Variants in RBM6 observed in about 807,000 individuals in gnomAD.
RBM6 encodes the protein RNA binding motif protein 6.
RBM6 carries 23 observed loss-of-function variants against 140.4 expected under a neutral mutation model. The ratio of observed to expected loss-of-function variants is 0.16; its 90% CI spans 0.12 to 0.23. The LOEUF (loss-of-function observed/expected upper bound fraction) is 0.23, where lower values mean the gene tolerates loss of function less well. RBM6 is among the 10% of genes least tolerant of loss of function. RBM6 has a pLI of 1.00. For missense variants in RBM6, 1,139 were observed against 1,386.7 expected, an observed-to-expected ratio of 0.82 and a Z score of 2.84; for synonymous variants, 439 against 475.6, an observed-to-expected ratio of 0.92 and a Z score of 1.00.
intron 19 of RBM6, 67 bp downstream of exon 19, chr3:50,070,619 C>T: frequency 2.7e-6 from 3 of 1,100,478 alleles, no homozygotes; most frequent in Non-Finnish European, 2.8e-6. Context: ...CCTCCTTCAA[C>T]TGTACTGCTG....
At chr3:50,009,108 G>A (rs535695508) in intron 6 of RBM6, among the ~76,000 whole-genome samples, 12 of 152,320 alleles carry the variant, frequency 7.9e-5, no homozygotes, top group African/African-American at 2.6e-4. Context: ...GTGGCAGGCA[G>A]TGCTGCTTTG....
At chr3:50,023,655 ATTTT>A (rs35083306) in intron 6 of RBM6, among the ~76,000 whole-genome samples, 3 of 115,100 alleles carry the variant, frequency 2.6e-5, no homozygotes, top group Admixed American at 1.0e-4. Context: ...ATGTTTGGTG[ATTTT>A]TTTTTTTTTT....
chr3:50,039,001 A>G (rs780248244), intron 6 of RBM6, among the ~76,000 whole-genome samples: 79 of 152,140 alleles, frequency 5.2e-4, no homozygotes, highest in Non-Finnish European at 6.5e-4. Context: ...AACTGATTCA[A>G]TTGTCAGAAA....
intron 7 of RBM6, among the ~76,000 whole-genome samples, chr3:50,048,665 T>C (rs975162734): frequency 2.6e-5 from 4 of 152,188 alleles, no homozygotes; most frequent in African/African-American, 9.6e-5. Context: ...AAAAGTAGGT[T>C]TGGAGAGACT....
chr3:50,054,864 C>T (rs926286444), intron 8 of RBM6, among the ~76,000 whole-genome samples: 1 of 152,070 alleles, frequency 6.6e-6, no homozygotes, highest in Admixed American at 6.6e-5. Flanking sequence ...CTCGTACTCA[C>T]CCAGGCTGGA....
intron 15 of RBM6, among the ~76,000 whole-genome samples, chr3:50,062,892 C>CTTTTTTT (rs36101209): frequency 1.6e-5 from 2 of 128,464 alleles, no homozygotes; most frequent in African/African-American, 5.6e-5. Flanking sequence ...TTTCTTTTTC[C>CTTTTTTT]TTTTTTTTTT....
intron 6 of RBM6, among the ~76,000 whole-genome samples, chr3:50,007,601 C>T (rs999003103): frequency 2.6e-5 from 4 of 151,642 alleles, no homozygotes; most frequent in South Asian, 4.2e-4. Flanking sequence ...GGCGTGATCT[C>T]GGCTCACTGC....
At chr3:49,971,083 A>G (rs917105027) in intron 3 of RBM6, among the ~76,000 whole-genome samples, 4 of 151,722 alleles carry the variant, frequency 2.6e-5, no homozygotes, top group African/African-American at 7.3e-5. Context: ...CCTGACCAAC[A>G]CGGAGAAACC....
intron 19 of RBM6, 110 bp from the exon 20 acceptor site, chr3:50,075,091 G>A: frequency 7.7e-7 from 1 of 1,291,766 alleles, no homozygotes; most frequent in South Asian, 1.5e-5. Flanking sequence ...AGGAGGCAGA[G>A]GTTGCAGTAA....
intron 1 of RBM6, 41 bp from the exon 2 acceptor site, chr3:49,962,535 C>A: frequency 1.0e-6 from 1 of 965,820 alleles, no homozygotes; most frequent in Non-Finnish European, 1.6e-6. Context: ...GCTTTTAGTT[C>A]ACATTCTAAA....
chr3:49,953,624 A>G (rs1407514880), intron 1 of RBM6, among the ~76,000 whole-genome samples: 1 of 149,734 alleles, frequency 6.7e-6, no homozygotes, highest in Admixed American at 6.7e-5. Context: ...GGTTCAAGTG[A>G]TCCTTCTGCC....
intron 4 of RBM6, among the ~76,000 whole-genome samples, chr3:49,973,584 CTTTTTTTTTTT>C (rs1226088993): frequency 2.3e-5 from 3 of 131,348 alleles, no homozygotes; most frequent in Admixed American, 7.7e-5. Flanking sequence ...TTCTGCTTTT[CTTTTTTTTTTT>C]TTTTTTTTGA....
intron 6 of RBM6, among the ~76,000 whole-genome samples, chr3:50,012,451 G>T (rs549586656): frequency 6.6e-6 from 1 of 151,654 alleles, no homozygotes; most frequent in African/African-American, 2.4e-5. Context: ...TCCACCTCCC[G>T]GGTTCACGCC....
At chr3:50,024,243 C>T (rs569726349) in intron 6 of RBM6, among the ~76,000 whole-genome samples, 2 of 152,194 alleles carry the variant, frequency 1.3e-5, no homozygotes, top group South Asian at 4.1e-4. Context: ...AAAGAACAGT[C>T]CTTCTAAATA....
intron 5 of RBM6, among the ~76,000 whole-genome samples, chr3:49,998,215 TGTG>T (rs2086171613): frequency 6.6e-6 from 1 of 152,258 alleles, no homozygotes; most frequent in Non-Finnish European, 1.5e-5. Flanking sequence ...TTTCACCAAA[TGTG>T]GTATGTTTTT....
intron 1 of RBM6, among the ~76,000 whole-genome samples, chr3:49,947,743 A>T (rs927538088): frequency 6.6e-6 from 1 of 152,082 alleles, no homozygotes; most frequent in South Asian, 2.1e-4. Context: ...TTAATTTTTT[A>T]TATATTTTTG....
At chr3:50,064,942 G>T (rs1480518657) in intron 15 of RBM6, 89 bp from the exon 16 acceptor site, 11 of 1,084,374 alleles carry the variant, frequency 1.0e-5, no homozygotes, top group Non-Finnish European at 1.5e-5. Context: ...AGAGTGCTGG[G>T]ATTATAGGCG....
chr3:50,027,207 T>C (rs538033830), intron 6 of RBM6, among the ~76,000 whole-genome samples: 11 of 151,760 alleles, frequency 7.2e-5, no homozygotes, highest in Non-Finnish European at 1.5e-4. Flanking sequence ...GTAGGAGGGG[T>C]AGGTTTAAGT....
chr3:50,068,882 A>C, intron 18 of RBM6, 118 bp downstream of exon 18: 1 of 847,994 alleles, frequency 1.2e-6, no homozygotes, highest in Non-Finnish European at 1.9e-6. Flanking sequence ...GCAGCCTCAA[A>C]AGATAGTGCA....
Sources: allele counts gnomAD v4.1 joint callset (sites outside exome capture counted in the v4.1 genomes callset), GRCh38; gene constraint gnomAD v4.1.1; transcripts MANE v1.5; gene names NCBI Gene and HGNC (gene_info 2026-07-23, HGNC 2026-07-21).